Variants in RAB3GAP2 observed in about 807,000 individuals in gnomAD.
The protein encoded by RAB3GAP2 is rab3 GTPase-activating protein non-catalytic subunit.
RAB3GAP2 carries 87 observed loss-of-function variants against 185.3 expected under a neutral mutation model. That is an observed-to-expected ratio of 0.47 (90% CI 0.39 to 0.56). The LOEUF is 0.56. RAB3GAP2 is among the 20% of genes least tolerant of loss of function. RAB3GAP2 has a pLI of 0.00. For synonymous variants in RAB3GAP2, 554 were observed against 576.1 expected, an observed-to-expected ratio of 0.96 and a Z score of 0.55; for missense variants, 1,492 against 1,638.2, an observed-to-expected ratio of 0.91 and a Z score of 1.54.
intron 30 of RAB3GAP2, 60 bp downstream of exon 30, chr1:220,157,742 G>A (rs754519067): frequency 3.6e-6 from 5 of 1,399,386 alleles, no homozygotes; most frequent in South Asian, 1.2e-5. Flanking sequence ...TAAATGCAAT[G>A]GTTTGCAGAA....
At chr1:220,223,306 G>A (rs996374086) in intron 2 of RAB3GAP2, among the ~76,000 whole-genome samples, 8 of 152,098 alleles carry the variant, frequency 5.3e-5, no homozygotes, top group Middle Eastern at 3.4e-3. Flanking sequence ...TCATCTAGTT[G>A]GATAAACAAT....
At position 220,149,611 on chromosome 1, in the gene RAB3GAP2, GT is replaced by G. The variant is rs1249449857; in HGVS notation, c.*1639del. 1 of 152,136 alleles carries G rather than the reference GT, an allele frequency of 6.6e-6. No individual in the cohort carries two copies. Among genetic ancestry groups the G allele is most frequent in the Non-Finnish European group, 1.5e-5 (1 of 68,046 alleles). 9.4% of individuals were successfully genotyped at this position (152,136 alleles called of 1,614,324 possible). On this transcript the variant is annotated 3_prime_UTR_variant, in exon 35 of 35. Coordinates refer to ENST00000358951, the MANE Select transcript of RAB3GAP2 (RefSeq NM_012414.4). The stretch of plus-strand genomic sequence containing the variant: ...GATATGTTTACAAGAATTCTAGGAT[GT>G]GTGTGGCTGGGGCAGCGGAGACCCA...
chr1:220,271,330 T>C (rs979266862), intron 1 of RAB3GAP2: 2 of 150,716 alleles, frequency 1.3e-5, no homozygotes, highest in Admixed American at 6.7e-5. Context: ...CAAATGTGCT[T>C]CAGGTTGGAA....
At chr1:220,184,940 T>C (rs1020258798) in intron 18 of RAB3GAP2, among the ~76,000 whole-genome samples, 1 of 152,128 alleles carries the variant, frequency 6.6e-6, no homozygotes, top group Admixed American at 6.6e-5. Flanking sequence ...ATTAGCATGT[T>C]TGAAGTCCTG....
chr1:220,242,587 T>TGGTATAATTA (rs372881351), intron 1 of RAB3GAP2, among the ~76,000 whole-genome samples: 3,051 of 152,316 alleles, frequency 0.02, 145 homozygotes, highest in East Asian at 0.2. Context: ...TGTGTCAATG[T>TGGTATAATTA]AGCATAACTT....
intron 21 of RAB3GAP2, among the ~76,000 whole-genome samples, chr1:220,180,968 T>C (rs548455572): frequency 6.6e-6 from 1 of 152,328 alleles, no homozygotes; most frequent in Admixed American, 6.5e-5. Context: ...CGGTTCCATC[T>C]ATACTGAACA....
intron 1 of RAB3GAP2, among the ~76,000 whole-genome samples, chr1:220,259,392 C>T (rs148043088): frequency 1.7e-3 from 251 of 152,086 alleles, no homozygotes; most frequent in African/African-American, 5.8e-3. Context: ...ACACATACAC[C>T]AATGGAACAG....
chr1:220,187,129 T>C (rs771376164), intron 17 of RAB3GAP2, among the ~76,000 whole-genome samples: 3 of 152,004 alleles, frequency 2.0e-5, no homozygotes, highest in Non-Finnish European at 2.9e-5. Flanking sequence ...CACTATTCAC[T>C]GAATTCTCCC....
intron 31 of RAB3GAP2, among the ~76,000 whole-genome samples, chr1:220,155,849 T>A (rs915149972): frequency 6.6e-6 from 1 of 152,196 alleles, no homozygotes; most frequent in Non-Finnish European, 1.5e-5. Context: ...CTGATGGGAA[T>A]ACTGAGCTAG....
intron 1 of RAB3GAP2, among the ~76,000 whole-genome samples, chr1:220,258,787 A>G (rs2102530018): frequency 6.6e-6 from 1 of 152,314 alleles, no homozygotes; most frequent in African/African-American, 2.4e-5. Flanking sequence ...GGAAGAGAGG[A>G]GTCAAATTGT....
chr1:220,207,138 C>T (rs1658984016), intron 7 of RAB3GAP2, among the ~76,000 whole-genome samples: 1 of 152,192 alleles, frequency 6.6e-6, no homozygotes, highest in Non-Finnish European at 1.5e-5. Context: ...TCATTATAAA[C>T]ATCACTGCAA....
intron 26 of RAB3GAP2, among the ~76,000 whole-genome samples, chr1:220,165,514 TA>T (rs1658047147): frequency 6.6e-6 from 1 of 152,156 alleles, no homozygotes; most frequent in South Asian, 2.1e-4. Context: ...TCATCAAACA[TA>T]TCATCATTGC....
At position 220,158,809 on chromosome 1, in the gene RAB3GAP2, G is replaced by C. The variant is rs966829599; in HGVS notation, c.3261+577C>G. On this transcript the variant is annotated intron_variant, in intron 29 of 34. Transcript: ENST00000358951. This position sits in a 1 kb window ranked among gnomAD's most constrained non-coding sequence, Gnocchi z 4.3. ...CCCCAAAGCAAATAATTCAGTGTTT[G>C]TGGGTACATGCACACACACATGCAT... Among the ~76,000 whole-genome samples, 1 of 151,974 alleles carries C rather than the reference G, an allele frequency of 6.6e-6. No individual in the cohort carries two copies. Among genetic ancestry groups the C allele is most frequent in the Non-Finnish European group, 1.5e-5 (1 of 67,996 alleles).
At chr1:220,188,622 T>C (rs1218790570) in intron 17 of RAB3GAP2, among the ~76,000 whole-genome samples, 3 of 152,208 alleles carry the variant, frequency 2.0e-5, no homozygotes, top group African/African-American at 7.2e-5. Flanking sequence ...ACAACTATTT[T>C]GGGAAACAAT....
Position 220,157,369 on chromosome 1 carries a change from G to T in RAB3GAP2, c.3456C>A (p.Tyr1152Ter). The change falls in exon 31 of 35, where the codon TAC becomes TAA. Residue 1152 changes from tyrosine to a stop codon, truncating the protein, a stop_gained. Coordinates refer to ENST00000358951, the MANE Select transcript of RAB3GAP2 (RefSeq NM_012414.4). LOFTEE classifies it high-confidence loss of function. ...GGATGGAGTGGTGCTCCACCAGTGG[G>T]TAGTGGATGTGCTTCTGTTCAAGGG... ...ELALEQKHIH[Y>*]PLVEHHSILC... is the part of the protein sequence containing the mutation. 3 of 1,613,208 alleles carry T rather than the reference G, an allele frequency of 1.9e-6. No individual in the cohort carries two copies. Among genetic ancestry groups the T allele is most frequent in the Non-Finnish European group, 1.7e-6 (2 of 1,179,824 alleles).
chr1:220,182,637 ATC>A, intron 20 of RAB3GAP2, 79 bp downstream of exon 20: 4 of 1,272,822 alleles, frequency 3.1e-6, no homozygotes, highest in Non-Finnish European at 4.3e-6. Flanking sequence ...AACAAATGGA[ATC>A]TCTGAGATGC....
At chr1:220,221,334 TTG>T (rs1659302772) in intron 2 of RAB3GAP2, among the ~76,000 whole-genome samples, 1 of 152,154 alleles carries the variant, frequency 6.6e-6, no homozygotes, top group Non-Finnish European at 1.5e-5. Flanking sequence ...TGCATTACGT[TTG>T]AAGTGTTAGA....
intron 1 of RAB3GAP2, among the ~76,000 whole-genome samples, chr1:220,271,469 T>G (rs1660331670): frequency 6.6e-6 from 1 of 152,192 alleles, no homozygotes; most frequent in African/African-American, 2.4e-5. Flanking sequence ...TTATACTACT[T>G]GGGGAAAGGC....
At chr1:220,204,073 TA>T (rs1658911753) in intron 8 of RAB3GAP2, among the ~76,000 whole-genome samples, 1 of 152,170 alleles carries the variant, frequency 6.6e-6, no homozygotes, top group African/African-American at 2.4e-5. Context: ...GTTTAACTCC[TA>T]AATGGTTGAG....
Sources: gnomAD v4.1 joint callset for allele counts (sites outside exome capture counted in the v4.1 genomes callset) on GRCh38, gnomAD v4.1.1 for gene constraint, Gnocchi (gnomAD v3.1) non-coding constraint, MANE v1.5 for transcripts, NCBI Gene and HGNC (gene_info 2026-07-23, HGNC 2026-07-21) for gene names.